The following MOSMO variants were observed in gnomAD, a reference collection of about 807,000 sequenced individuals.
The protein encoded by MOSMO is modulator of smoothened protein.
In MOSMO, 5 loss-of-function variants were observed where a neutral mutation model predicts 18.4. The ratio of observed to expected loss-of-function variants is 0.27; its 90% CI spans 0.14 to 0.57. The LOEUF is 0.57. Among genes scored for constraint, MOSMO ranks in the 20% least tolerant of loss-of-function variants. MOSMO has a pLI of 0.92. For synonymous variants in MOSMO, 82 were observed against 82.3 expected (o/e 1.00, Z 0.02); for missense variants, 138 against 211.8 (o/e 0.65, Z 2.16).
chr16:22,055,252 T>C (rs996564357), intron 1 of MOSMO, among the ~76,000 whole-genome samples: 3 of 152,108 alleles, frequency 2.0e-5, no homozygotes, highest in Non-Finnish European at 2.9e-5. Flanking sequence ...CTTCTGCTTC[T>C]GTGTGTGTGA....
In MOSMO at chr16:22,075,597, A is replaced by G. The variant is rs1313684019; in HGVS notation, c.217A>G (p.Ile73Val). 1.3e-6 allele frequency: 2 copies of G among 1,537,298 alleles called. No homozygotes were observed. The highest frequency in any genetic ancestry group is 2.4e-5 in the South Asian group (2 of 84,064). ...PEWVTTLFFI[I>V]MGIISLTVTC... ...GTGGGTCACCACACTGTTTTTTATCATCATGGGAATCATTTCATTGACTGT... is the reference window on the plus strand; with the variant it reads ...GTGGGTCACCACACTGTTTTTTATCGTCATGGGAATCATTTCATTGACTGT... Residue 73 changes from isoleucine (I) to valine (V), a missense_variant, in exon 2 of 3, where the codon ATC becomes GTC. Physicochemically the swap from Ile to Val is conservative, Grantham distance 29. Coordinates refer to ENST00000542527, the MANE Select transcript of MOSMO (RefSeq NM_001164579.2).
rs1460185275 is a variant in MOSMO, at chr16:22,083,414, C to T, written c.*2534C>T. On this transcript the variant is annotated 3_prime_UTR_variant, in exon 3 of 3. Transcript: ENST00000542527. The stretch of plus-strand genomic sequence containing the variant: ...ACTCTAACCCAGGATTAAACCATCC[C>T]ATCAAGTAGTATGTGAAGTCAAGTC... 1 of 249,404 alleles carries T rather than the reference C, an allele frequency of 4.0e-6. No homozygotes were observed. The highest frequency in any genetic ancestry group is 2.4e-5 in the African/African-American group (1 of 42,258). 15.4% of individuals were successfully genotyped at this position (249,404 alleles called of 1,614,324 possible).
intron 1 of MOSMO, among the ~76,000 whole-genome samples, chr16:22,021,191 C>T (rs1899755609): frequency 6.6e-6 from 1 of 152,034 alleles, no homozygotes; most frequent in African/African-American, 2.4e-5. Flanking sequence ...TTGGTCTGGT[C>T]TAGAATGGTT....
intron 1 of MOSMO, among the ~76,000 whole-genome samples, chr16:22,033,426 C>T (rs1900037519): frequency 1.3e-5 from 2 of 151,812 alleles, no homozygotes; most frequent in South Asian, 2.1e-4. Context: ...CTCACTCTGT[C>T]GCCCAGGCTA....
At chr16:22,052,821 A>T (rs1047882613) in intron 1 of MOSMO, among the ~76,000 whole-genome samples, 2 of 152,158 alleles carry the variant, frequency 1.3e-5, no homozygotes, top group Admixed American at 1.3e-4. Context: ...AGGGGGAAAA[A>T]AAATTGTAAA....
chr16:22,049,079 A>G (rs1024799528), intron 1 of MOSMO, among the ~76,000 whole-genome samples: 2 of 152,196 alleles, frequency 1.3e-5, no homozygotes, highest in African/African-American at 4.8e-5. Context: ...CGCTGAGGAA[A>G]TACATATAGA....
intron 1 of MOSMO, among the ~76,000 whole-genome samples, chr16:22,062,224 CA>C (rs1216960634): frequency 6.6e-6 from 1 of 151,418 alleles, no homozygotes. Flanking sequence ...TACTATGAGA[CA>C]ACAATAAATT....
chr16:22,011,826 C>T (rs986500442), intron 1 of MOSMO, among the ~76,000 whole-genome samples: 1 of 151,396 alleles, frequency 6.6e-6, no homozygotes, highest in African/African-American at 2.4e-5. Flanking sequence ...GGCAGTAAAC[C>T]CCCCAAAACA....
chr16:22,044,301 G>T (rs1321546716), intron 1 of MOSMO, among the ~76,000 whole-genome samples: 1 of 152,188 alleles, frequency 6.6e-6, no homozygotes. Flanking sequence ...CAGAAGTGTT[G>T]TGTTTGCATT....
intron 1 of MOSMO, among the ~76,000 whole-genome samples, chr16:22,013,746 G>A (rs539973804): frequency 5.3e-4 from 80 of 151,846 alleles, no homozygotes; most frequent in Non-Finnish European, 4.1e-4. Context: ...CTTATGTCTC[G>A]TCAAAATTTC....
chr16:22,012,721 A>G (rs2141977689), intron 1 of MOSMO, among the ~76,000 whole-genome samples: 1 of 148,556 alleles, frequency 6.7e-6, no homozygotes, highest in Admixed American at 6.8e-5. Context: ...TTCTACTTGA[A>G]CTACCATAGA....
At chr16:22,049,872 A>G (rs892821254) in intron 1 of MOSMO, among the ~76,000 whole-genome samples, 1 of 152,150 alleles carries the variant, frequency 6.6e-6, no homozygotes, top group African/African-American at 2.4e-5. Context: ...CTGATTTGTA[A>G]TGCCATCTTA....
chr16:22,024,130 A>G (rs114014309), intron 1 of MOSMO, among the ~76,000 whole-genome samples: 3,115 of 151,874 alleles, frequency 0.021, 119 homozygotes, highest in African/African-American at 0.071. Flanking sequence ...TTAAAATTAT[A>G]TTGAAATCCT....
intron 1 of MOSMO, among the ~76,000 whole-genome samples, chr16:22,020,074 G>A (rs934887687): frequency 1.3e-5 from 2 of 151,126 alleles, no homozygotes; most frequent in Admixed American, 6.6e-5. Context: ...TTAGCCAGGC[G>A]TGGTGGCACA....
chr16:22,011,932 TAAAAA>T (rs535652740), intron 1 of MOSMO, among the ~76,000 whole-genome samples: 140 of 120,544 alleles, frequency 1.2e-3, no homozygotes, highest in African/African-American at 4.1e-3. Context: ...AGTCCTGAGT[TAAAAA>T]AAAAAAAAAA....
intron 1 of MOSMO, among the ~76,000 whole-genome samples, chr16:22,059,594 A>G (rs1900603294): frequency 1.3e-5 from 2 of 152,146 alleles, no homozygotes; most frequent in Non-Finnish European, 2.9e-5. Context: ...GCAGAAGGTG[A>G]AGGGGAAGCA....
intron 1 of MOSMO, among the ~76,000 whole-genome samples, chr16:22,033,821 A>AAAAAT (rs764134176): frequency 6.6e-6 from 1 of 152,038 alleles, no homozygotes; most frequent in Non-Finnish European, 1.5e-5. Context: ...TCCATCTCAA[A>AAAAAT]AAAATAAAAT....
chr16:22,033,537 G>A (rs1312629780), intron 1 of MOSMO, among the ~76,000 whole-genome samples: 1 of 151,060 alleles, frequency 6.6e-6, no homozygotes, highest in Non-Finnish European at 1.5e-5. Flanking sequence ...ACAGGCACCC[G>A]CCATGATGCC....
intron 1 of MOSMO, among the ~76,000 whole-genome samples, chr16:22,020,483 C>T (rs1899736755): frequency 6.6e-6 from 1 of 151,682 alleles, no homozygotes. Flanking sequence ...TTAGTAGAGA[C>T]AGGGTTTCTT....
Sources: allele counts gnomAD v4.1 joint callset (sites outside exome capture counted in the v4.1 genomes callset), GRCh38; gene constraint gnomAD v4.1.1; transcripts MANE v1.5; gene names NCBI Gene and HGNC (gene_info 2026-07-23, HGNC 2026-07-21).